The following CTNNA3 variants were observed in gnomAD, a reference collection of about 807,000 sequenced individuals.
CTNNA3 encodes the protein catenin alpha-3.
CTNNA3 carries 76 observed loss-of-function variants against 95.7 expected under a neutral mutation model. The ratio of observed to expected loss-of-function variants is 0.79; its 90% CI spans 0.66 to 0.96. The LOEUF (loss-of-function observed/expected upper bound fraction) is 0.96, where lower values mean the gene tolerates loss of function less well. Among genes scored for constraint, CTNNA3 ranks in the 40% least tolerant of loss-of-function variants. The pLI, the probability that CTNNA3 is intolerant of heterozygous loss-of-function variation, is 0.00. For synonymous variants in CTNNA3, 431 were observed against 374.4 expected (o/e 1.15, Z -1.74); for missense variants, 1,191 against 1,089.8 (o/e 1.09, Z -1.31).
chr10:66,054,963 A>T (rs1049873257), intron 15 of CTNNA3, among the ~76,000 whole-genome samples: 7 of 152,244 alleles, frequency 4.6e-5, no homozygotes, highest in African/African-American at 1.7e-4. Context: ...TCCCAGCACC[A>T]TTTATTGAAG....
At chr10:66,010,045 A>T (rs1324081482) in intron 15 of CTNNA3, among the ~76,000 whole-genome samples, 1 of 152,242 alleles carries the variant, frequency 6.6e-6, no homozygotes. Flanking sequence ...GAAGGAAGAA[A>T]AAGGTATTCA....
intron 12 of CTNNA3, among the ~76,000 whole-genome samples, chr10:66,326,091 A>G (rs2132302504): frequency 6.6e-6 from 1 of 152,272 alleles, no homozygotes; most frequent in African/African-American, 2.4e-5. Context: ...TCCAACTAAT[A>G]CAAGTGCAGA....
rs769600375 is a variant in CTNNA3, at chr10:67,171,019, AC to A, written c.1047+9297del. On this transcript the variant is annotated intron_variant, in intron 7 of 17. Transcript: ENST00000433211. ...ATGATATTTTGCATACACTGACTTA[AC>A]TAAAATTAATTTCACCTGTTCCTTT... Among the ~76,000 whole-genome samples, 5 of 152,352 alleles carry A rather than the reference AC, an allele frequency of 3.3e-5. No individual in the cohort carries two copies. In the East Asian group the frequency reaches 9.6e-4, roughly 29 times the overall value.
At chr10:67,226,402 G>T (rs867654700) in intron 5 of CTNNA3, among the ~76,000 whole-genome samples, 2 of 152,118 alleles carry the variant, frequency 1.3e-5, no homozygotes, top group Non-Finnish European at 1.5e-5. Flanking sequence ...TGAACAGATC[G>T]TCTCCTAGAC....
intron 5 of CTNNA3, among the ~76,000 whole-genome samples, chr10:67,231,052 C>T (rs998145848): frequency 6.6e-6 from 1 of 152,134 alleles, no homozygotes; most frequent in African/African-American, 2.4e-5. Flanking sequence ...TGATTGCTAG[C>T]ACAGCAGTCT....
intron 1 of CTNNA3, among the ~76,000 whole-genome samples, chr10:67,743,111 C>T (rs1841352326): frequency 6.6e-6 from 1 of 151,196 alleles, no homozygotes; most frequent in South Asian, 2.1e-4. Context: ...GAAACTATTC[C>T]AATCAATAGA....
rs917249429 is a variant in CTNNA3 at position 67,069,556 on chromosome 10, C to T, written c.1047+110761G>A. Among the ~76,000 whole-genome samples, 262 of 128,524 alleles carry T rather than the reference C, an allele frequency of 2.0e-3. 4 individuals are homozygous for T. The highest frequency in any genetic ancestry group is 0.012 in the Middle Eastern group (3 of 256). The allele number at this position is 128,524 out of a possible 152,430, so 84.3% of individuals were successfully genotyped here. ...AGATATTACAAGGTGTACAGCAGCCCGCCCCACCCCACCCCACCCCACCCC... is the reference window on the plus strand; with the variant it reads ...AGATATTACAAGGTGTACAGCAGCCTGCCCCACCCCACCCCACCCCACCCC... On this transcript the variant is annotated intron_variant, in intron 7 of 17. Coordinates refer to ENST00000433211, the MANE Select transcript of CTNNA3 (RefSeq NM_013266.4).
In CTNNA3 at chr10:67,016,536, C is replaced by T. The variant is rs557664628; in HGVS notation, c.1047+163781G>A. Among the ~76,000 whole-genome samples, 114 of 152,226 alleles carry T rather than the reference C, an allele frequency of 7.5e-4. 3 individuals carry two copies. The South Asian group carries it at 0.018, about 24-fold the overall frequency. On this transcript the variant is annotated intron_variant, in intron 7 of 17. Transcript: ENST00000433211. ...TTGTTGGCAGAAAGTCCCTCTGAGG[C>T]TTCCCTTCCCTACCATTCTAGAGTC... is the stretch of plus-strand genomic sequence containing the variant.
At chr10:66,392,256 C>T (rs1448179400) in intron 11 of CTNNA3, among the ~76,000 whole-genome samples, 5 of 151,874 alleles carry the variant, frequency 3.3e-5, no homozygotes, top group African/African-American at 7.3e-5. Flanking sequence ...TGGTCAAACC[C>T]GTCTCTACTT....
At chr10:66,811,038 T>G (rs185442460) in intron 7 of CTNNA3, among the ~76,000 whole-genome samples, 1 of 152,306 alleles carries the variant, frequency 6.6e-6, no homozygotes, top group East Asian at 1.9e-4. Context: ...AAACGCAAAT[T>G]GAAATTATCA....
chr10:67,262,156 G>T (rs1379377679), intron 5 of CTNNA3, among the ~76,000 whole-genome samples: 1 of 151,916 alleles, frequency 6.6e-6, no homozygotes, highest in African/African-American at 2.4e-5. Context: ...AAGAGAAAAG[G>T]CATAATTATT....
At chr10:67,269,349 T>G (rs895360956) in intron 5 of CTNNA3, among the ~76,000 whole-genome samples, 27 of 152,148 alleles carry the variant, frequency 1.8e-4, no homozygotes, top group African/African-American at 6.5e-4. Flanking sequence ...TAATAGATAA[T>G]AATGAGAAAA....
At chr10:67,347,178 TA>T (rs1842452140) in intron 5 of CTNNA3, among the ~76,000 whole-genome samples, 1 of 151,862 alleles carries the variant, frequency 6.6e-6, no homozygotes, top group South Asian at 2.1e-4. Flanking sequence ...GCCTCCCAAG[TA>T]GCTGGGACTA....
chr10:66,719,870 T>C (rs1848570949), intron 9 of CTNNA3, among the ~76,000 whole-genome samples: 1 of 152,126 alleles, frequency 6.6e-6, no homozygotes, highest in African/African-American at 2.4e-5. Flanking sequence ...GATATTAATC[T>C]AGATGCCTGC....
intron 7 of CTNNA3, among the ~76,000 whole-genome samples, chr10:66,893,120 T>C (rs1315601812): frequency 6.6e-6 from 1 of 152,096 alleles, no homozygotes; most frequent in Non-Finnish European, 1.5e-5. Flanking sequence ...CACGAAGCCA[T>C]GGCATTAAAT....
chr10:67,431,487 C>G (rs557864744), intron 5 of CTNNA3, among the ~76,000 whole-genome samples: 13 of 152,060 alleles, frequency 8.5e-5, no homozygotes, highest in African/African-American at 2.4e-4. Context: ...GATGAGCAAG[C>G]AGTTCTCACA....
intron 13 of CTNNA3, among the ~76,000 whole-genome samples, chr10:66,209,212 T>C (rs994470706): frequency 7.9e-5 from 12 of 152,128 alleles, no homozygotes; most frequent in Non-Finnish European, 1.5e-4. Context: ...TGAACAAATA[T>C]GTAAAGGGCC....
intron 7 of CTNNA3, among the ~76,000 whole-genome samples, chr10:67,069,277 T>G (rs1856287202): frequency 6.6e-6 from 1 of 151,590 alleles, no homozygotes; most frequent in Admixed American, 6.6e-5. Context: ...TTAAAAAGAG[T>G]TTGGATAATC....
intron 15 of CTNNA3, among the ~76,000 whole-genome samples, chr10:66,044,265 A>G (rs1383139916): frequency 6.6e-6 from 1 of 152,252 alleles, no homozygotes; most frequent in African/African-American, 2.4e-5. Context: ...TGCTGGGATT[A>G]CAGGCATGAG....
Sources: allele counts gnomAD v4.1 joint callset (sites outside exome capture counted in the v4.1 genomes callset), GRCh38; gene constraint gnomAD v4.1.1; transcripts MANE v1.5; gene names NCBI Gene and HGNC (gene_info 2026-07-23, HGNC 2026-07-21).